ZNF268: variants seen among roughly 807,000 people sequenced by gnomAD.
ZNF268 encodes zinc finger protein 3.
ZNF268 carries 20 observed loss-of-function variants against 29.3 expected under a neutral mutation model. That is an observed-to-expected ratio of 0.68 (90% CI 0.48 to 0.99). ZNF268 has a LOEUF of 0.99. Ranked by LOEUF, ZNF268 falls within the 50% of genes least tolerant of loss-of-function variation. The pLI is 0.00. For missense variants in ZNF268, 1,240 were observed against 1,121.6 expected (o/e 1.11, Z -1.51); for synonymous variants, 429 against 376.9 (o/e 1.14, Z -1.60).
chr12:133,196,403 T>C (rs972697001), intron 5 of ZNF268, among the ~76,000 whole-genome samples: 2 of 151,926 alleles, frequency 1.3e-5, no homozygotes. Flanking sequence ...AACTCTACCT[T>C]GAGGTGTCAA....
Position 133,202,547 on chromosome 12 carries a change from CA to C in ZNF268, c.863del (p.Lys288SerfsTer5). 6.2e-7 allele frequency: 1 copy of C among 1,611,182 alleles called. No homozygotes were observed. Among genetic ancestry groups the C allele is most frequent in the South Asian group, 1.1e-5 (1 of 90,708 alleles). On this transcript the variant is annotated frameshift_variant, in exon 6 of 6. Transcript: ENST00000536435. LOFTEE classifies it low-confidence loss of function (END_TRUNC). ...CSCCEKAFSS[K>X]SYLLVHQQTH... Reference sequence around the variant, plus strand: ...GCTGTTGTGAGAAAGCCTTCAGCAGCAAGTCATACCTTCTAGTGCATCAGCA... The same window carrying C: ...GCTGTTGTGAGAAAGCCTTCAGCAGCAGTCATACCTTCTAGTGCATCAGCA...
In ZNF268 at chr12:133,187,858, T is replaced by A. The variant is rs1277480900; in HGVS notation, c.34-14T>A. 2 of 1,575,038 alleles carry A rather than the reference T, an allele frequency of 1.3e-6. No individual in the cohort carries two copies. The highest frequency in any genetic ancestry group is 2.7e-5 in the African/African-American group (2 of 74,002). ...ATAATGCTCGCTAAAGTAAATTTGC[T>A]CTTGAGTCCACAGGTCCCACCTCTC... On this transcript the variant is annotated splice_polypyrimidine_tract_variant and intron_variant, in intron 2 of 5. Coordinates refer to ENST00000536435, the MANE Select transcript of ZNF268 (RefSeq NM_003415.3).
Position 133,202,222 on chromosome 12 carries a change from TTGAA to T in ZNF268, c.539_542del (p.Glu180AlafsTer30). The T allele has an allele frequency of 6.2e-7, 1 of 1,610,714 alleles. No individual in the cohort carries two copies. The highest frequency in any genetic ancestry group is 1.7e-4 in the Middle Eastern group (1 of 6,044). On this transcript the variant is annotated frameshift_variant, in exon 6 of 6. Coordinates refer to ENST00000536435, the MANE Select transcript of ZNF268 (RefSeq NM_003415.3). LOFTEE classifies it low-confidence loss of function (END_TRUNC). ...AAGCTGGGAAGTACGGCAAAAAGCT[TTGAA>T]TGCACTACATTTGGAAAACTATGTC...
At position 133,209,864 on chromosome 12, in the gene ZNF268, G is replaced by C. The variant is rs922699471; in HGVS notation, c.*5334G>C. ...GGGTGCACATTTGCCCTTCCCTCTT[G>C]GGATCCAGGGTGATCCCACAGGTGC... On this transcript the variant is annotated 3_prime_UTR_variant, in exon 6 of 6. Transcript: ENST00000536435. 2 of 152,168 alleles carry C rather than the reference G, an allele frequency of 1.3e-5. No homozygotes were observed. The highest frequency in any genetic ancestry group is 2.9e-5 in the Non-Finnish European group (2 of 68,042). 9.4% of individuals were successfully genotyped at this position (152,168 alleles called of 1,614,324 possible).
rs1280623755 is a variant in ZNF268 at position 133,211,237 on chromosome 12, AGAC to A, written c.*6708_*6710del. On this transcript the variant is annotated 3_prime_UTR_variant, in exon 6 of 6. Transcript: ENST00000536435. ...AAAAAAACCCTAAAATTGAACAAGA[AGAC>A]AACCCAATTAAAAATGGGGACAGAT... is the stretch of plus-strand genomic sequence containing the variant. 3 of 356,110 alleles carry A rather than the reference AGAC, an allele frequency of 8.4e-6. No individual in the cohort carries two copies. The highest frequency in any genetic ancestry group is 7.4e-5 in the East Asian group (1 of 13,566). 22.1% of individuals were successfully genotyped at this position (356,110 alleles called of 1,614,324 possible).
Position 133,209,388 on chromosome 12 carries a change from G to A in ZNF268, c.*4858G>A, listed in dbSNP as rs1035815422. ...CTCCCAAAGTGCTAGGATTACAGGT[G>A]TGAGCCAAGCACCCAGCCATAAATC... On this transcript the variant is annotated 3_prime_UTR_variant, in exon 6 of 6. Transcript: ENST00000536435. The A allele has an allele frequency of 6.6e-6, 1 of 152,196 alleles. No individual in the cohort carries two copies. The highest frequency in any genetic ancestry group is 2.1e-4 in the South Asian group (1 of 4,838). The allele number at this position is 152,196 out of a possible 1,614,324, so 9.4% of individuals were successfully genotyped here.
intron 5 of ZNF268, chr12:133,193,279 A>G (rs907829490): frequency 1.5e-5 from 7 of 471,300 alleles, no homozygotes; most frequent in Non-Finnish European, 2.7e-5. Context: ...GCTGCAGTGA[A>G]CTATGGTTGT....
chr12:133,204,106 C>T lies in ZNF268; in HGVS notation c.2420C>T (p.Pro807Leu), dbSNP rs1956835312. Residue 807 changes from proline to leucine, a missense_variant, in exon 6 of 6, where the codon CCA (proline) becomes CTA (leucine). Around this residue, in one of 3 missense-constraint regions of ZNF268, gnomAD observed 1,177 missense variants for 1,039.6 expected, o/e 1.13. Coordinates refer to ENST00000536435, the MANE Select transcript of ZNF268 (RefSeq NM_003415.3). ...IHMRTHSGEK[P>L]YECNECGKAF... The stretch of plus-strand genomic sequence containing the variant: ...ATGAGAACTCATTCAGGTGAAAAAC[C>T]ATATGAATGTAATGAATGTGGGAAA... The T allele has an allele frequency of 6.5e-7, 1 of 1,546,432 alleles. No individual in the cohort carries two copies. The highest frequency in any genetic ancestry group is 1.4e-5 in the African/African-American group (1 of 73,110).
chr12:133,197,802 T>G (rs982969206), intron 5 of ZNF268, among the ~76,000 whole-genome samples: 1 of 152,152 alleles, frequency 6.6e-6, no homozygotes, highest in Admixed American at 6.5e-5. Flanking sequence ...TGATGAGCAT[T>G]TTTTCATGTG....
At chr12:133,201,679 G>T (rs1956754897) in intron 5 of ZNF268, among the ~76,000 whole-genome samples, 1 of 152,058 alleles carries the variant, frequency 6.6e-6, no homozygotes, top group Non-Finnish European at 1.5e-5. Flanking sequence ...TTCCCAGGAG[G>T]ACTGGGAAGT....
In ZNF268 at chr12:133,209,627, G is replaced by C. The variant is rs1956950679; in HGVS notation, c.*5097G>C. On this transcript the variant is annotated 3_prime_UTR_variant, in exon 6 of 6. Coordinates refer to ENST00000536435, the MANE Select transcript of ZNF268 (RefSeq NM_003415.3). The stretch of plus-strand genomic sequence containing the variant: ...AGGCAGGTGGATGACTTGAGGTCAG[G>C]AGTTCGAGACCAGCCTGGTGAAACC... 1 of 152,090 alleles carries C rather than the reference G, an allele frequency of 6.6e-6. No homozygotes were observed. 9.4% of individuals were successfully genotyped at this position (152,090 alleles called of 1,614,324 possible).
chr12:133,184,664 G>T (rs1335041927), intron 2 of ZNF268: 4 of 438,722 alleles, frequency 9.1e-6, no homozygotes, highest in East Asian at 1.4e-4. Flanking sequence ...TGTCTTCCAG[G>T]CTGGAGTGCA....
intron 5 of ZNF268, among the ~76,000 whole-genome samples, 167 bp from the exon 6 acceptor site, chr12:133,201,977 A>T (rs1308858962): frequency 6.6e-6 from 1 of 152,044 alleles, no homozygotes; most frequent in Non-Finnish European, 1.5e-5. Context: ...CAGATCTGAT[A>T]TCTGAAACTA....
In ZNF268 at chr12:133,206,003, C is replaced by G. The variant is rs151314374; in HGVS notation, c.*1473C>G. 6.6e-6 allele frequency: 1 copy of G among 152,294 alleles called. No individual in the cohort carries two copies. The highest frequency in any genetic ancestry group is 6.5e-5 in the Admixed American group (1 of 15,292). The allele number at this position is 152,294 out of a possible 1,614,324, so 9.4% of individuals were successfully genotyped here. On this transcript the variant is annotated 3_prime_UTR_variant, in exon 6 of 6. Transcript: ENST00000536435. Reference sequence around the variant, plus strand: ...GAGGTTCCCAGAACAGCTTTTGTTACTGTCATTTTCTTAACTTTGTTCACT... The same window carrying G: ...GAGGTTCCCAGAACAGCTTTTGTTAGTGTCATTTTCTTAACTTTGTTCACT...
chr12:133,206,427 A>G lies in ZNF268; in HGVS notation c.*1897A>G, dbSNP rs1209700729. On this transcript the variant is annotated 3_prime_UTR_variant, in exon 6 of 6. Coordinates refer to ENST00000536435, the MANE Select transcript of ZNF268 (RefSeq NM_003415.3). The stretch of plus-strand genomic sequence containing the variant: ...AAACTTCAATTTAAGATTATGTGTC[A>G]GTGATACTACTTAGTTACATGTAGC... 1.3e-5 allele frequency: 2 copies of G among 152,222 alleles called. No individual in the cohort carries two copies. Among genetic ancestry groups the G allele is most frequent in the African/African-American group, 2.4e-5 (1 of 41,450 alleles). 9.4% of individuals were successfully genotyped at this position (152,222 alleles called of 1,614,324 possible). A position where few individuals can be genotyped will look rare whatever the true frequency, so the allele number is the denominator to read the frequency against.
rs1956922749 is a variant in ZNF268 at position 133,207,571 on chromosome 12, G to C, written c.*3041G>C. The C allele has an allele frequency of 6.6e-6, 1 of 152,220 alleles. No individual in the cohort carries two copies. Among genetic ancestry groups the C allele is most frequent in the Non-Finnish European group, 1.5e-5 (1 of 68,058 alleles). The allele number at this position is 152,220 out of a possible 1,614,324, so 9.4% of individuals were successfully genotyped here. ...CACCTATAATCCCAGCACTTCAGGAGGCTGAGATGGTGGATCACCTGAGGT... is the reference window on the plus strand; with the variant it reads ...CACCTATAATCCCAGCACTTCAGGACGCTGAGATGGTGGATCACCTGAGGT... On this transcript the variant is annotated 3_prime_UTR_variant, in exon 6 of 6. Transcript: ENST00000536435.
At position 133,202,666 on chromosome 12, in the gene ZNF268, C is replaced by G; in HGVS notation, c.980C>G (p.Thr327Arg). The G allele has an allele frequency of 6.2e-7, 1 of 1,607,182 alleles. No homozygotes were observed. Among genetic ancestry groups the G allele is most frequent in the Non-Finnish European group, 8.5e-7 (1 of 1,176,420 alleles). The change falls in exon 6 of 6, where the codon ACA (threonine) becomes AGA (arginine). Residue 327 changes from threonine to arginine, a missense_variant. Transcript: ENST00000536435. ...CTCATTGTACATCAGAGAATTCATA[C>G]AGGAGAGAAACTACATGAATGCAGT... ...SYLIVHQRIHTGEKLHECSEC... is the reference protein window; with the variant it reads ...SYLIVHQRIHRGEKLHECSEC...
rs1957013097 is a variant in ZNF268 at position 133,213,358 on chromosome 12, G to C, written c.*8828G>C. 1 of 152,118 alleles carries C rather than the reference G, an allele frequency of 6.6e-6. No individual in the cohort carries two copies. Among genetic ancestry groups the C allele is most frequent in the Non-Finnish European group, 1.5e-5 (1 of 68,028 alleles). 9.4% of individuals were successfully genotyped at this position (152,118 alleles called of 1,614,324 possible). On this transcript the variant is annotated 3_prime_UTR_variant, in exon 6 of 6. Coordinates refer to ENST00000536435, the MANE Select transcript of ZNF268 (RefSeq NM_003415.3). ...AGGTAAATTGGACTTCACCAAAATT[G>C]AAAACTTTCGGCATCAGTGGACACT...
At chr12:133,192,082 A>T in intron 5 of ZNF268, 79 bp downstream of exon 5, 1 of 1,217,110 alleles carries the variant, frequency 8.2e-7, no homozygotes, top group Non-Finnish European at 1.2e-6. Flanking sequence ...TCTTGTTTGT[A>T]CTTTGCCTCG....
Sources: allele counts gnomAD v4.1 joint callset (sites outside exome capture counted in the v4.1 genomes callset), GRCh38; gene constraint gnomAD v4.1.1; regional missense constraint gnomAD v4.1.1; transcripts MANE v1.5; gene names NCBI Gene and HGNC (gene_info 2026-07-23, HGNC 2026-07-21).